Variants in DENND4A observed in about 807,000 individuals in gnomAD.
The protein encoded by DENND4A is C-myc promoter-binding protein.
In DENND4A, 70 loss-of-function variants were observed where a neutral mutation model predicts 199.3. That is an observed-to-expected ratio of 0.35 (90% CI 0.29 to 0.43). The LOEUF (loss-of-function observed/expected upper bound fraction) is 0.43. Among genes scored for constraint, DENND4A ranks in the 20% least tolerant of loss-of-function variants. DENND4A has a pLI of 1.00. For missense variants in DENND4A, 1,723 were observed against 2,255.8 expected, an observed-to-expected ratio of 0.76 and a Z score of 4.78; for synonymous variants, 686 against 766.9, an observed-to-expected ratio of 0.89 and a Z score of 1.74.
At chr15:65,769,056 A>T (rs2077058606) in intron 1 of DENND4A, among the ~76,000 whole-genome samples, 1 of 152,074 alleles carries the variant, frequency 6.6e-6, no homozygotes, top group African/African-American at 2.4e-5. Flanking sequence ...TCTATTGTTA[A>T]TTGACATTTG....
intron 32 of DENND4A, among the ~76,000 whole-genome samples, chr15:65,662,318 C>A (rs527729719): frequency 7.2e-5 from 11 of 152,158 alleles, no homozygotes; most frequent in African/African-American, 2.7e-4. Flanking sequence ...AGTTTTTTTG[C>A]CCATATTTTC....
intron 22 of DENND4A, among the ~76,000 whole-genome samples, chr15:65,691,773 G>C (rs1032848779): frequency 6.6e-6 from 1 of 151,638 alleles, no homozygotes; most frequent in Non-Finnish European, 1.5e-5. Context: ...GACAGAACTG[G>C]GATTCAAATT....
chr15:65,787,260 GTA>G (rs2077589420), intron 1 of DENND4A, among the ~76,000 whole-genome samples: 1 of 152,130 alleles, frequency 6.6e-6, no homozygotes, highest in African/African-American at 2.4e-5. Flanking sequence ...GTGAACTTAT[GTA>G]TGTATATACA....
At chr15:65,744,926 A>AT (rs1567069236) in intron 4 of DENND4A, among the ~76,000 whole-genome samples, 1 of 152,214 alleles carries the variant, frequency 6.6e-6, no homozygotes, top group Non-Finnish European at 1.5e-5. Context: ...CTTTGGAAAA[A>AT]TATCAGTATT....
intron 14 of DENND4A, among the ~76,000 whole-genome samples, chr15:65,708,794 G>A (rs1428721221): frequency 6.6e-6 from 1 of 152,150 alleles, no homozygotes; most frequent in African/African-American, 2.4e-5. Flanking sequence ...ACACAAAACT[G>A]CCTTTAGTTA....
chr15:65,752,873 A>G (rs2076605477), intron 3 of DENND4A, among the ~76,000 whole-genome samples: 1 of 152,212 alleles, frequency 6.6e-6, no homozygotes, highest in Non-Finnish European at 1.5e-5. Context: ...AGAAAGGTAC[A>G]ATTAAATGTG....
At chr15:65,676,141 A>AAAATATATAT (rs1362535499) in intron 24 of DENND4A, among the ~76,000 whole-genome samples, 2 of 110,452 alleles carry the variant, frequency 1.8e-5, no homozygotes, top group East Asian at 6.0e-4. Flanking sequence ...AATAAGGAAA[A>AAAATATATAT]ATATATATAT....
chr15:65,703,489 C>T (rs2074943161), intron 15 of DENND4A, among the ~76,000 whole-genome samples: 1 of 152,216 alleles, frequency 6.6e-6, no homozygotes, highest in African/African-American at 2.4e-5. Flanking sequence ...CATATTAGCA[C>T]ACCAGGCCTT....
Position 65,717,978 on chromosome 15 carries a change from T to A in DENND4A, c.1607A>T (p.Asp536Val). The A allele has an allele frequency of 6.2e-7, 1 of 1,601,826 alleles. No homozygotes were observed. Residue 536 changes from aspartate to valine, a missense_variant, in exon 13 of 33, where the codon GAT becomes GTT. Transcript: ENST00000443035. ...TATTGCTAAATCCATGAGTCCATCA[T>A]CTCTCGGTCTCTGCTGCACTGTGAA... ...QLAKLQQRPR[D>V]DGLMDLAIND...
chr15:65,697,435 G>T, intron 20 of DENND4A, 52 bp from the exon 21 acceptor site: 1 of 1,136,748 alleles, frequency 8.8e-7, no homozygotes. Flanking sequence ...TTTAGTGAGT[G>T]CAACTGGAAT....
chr15:65,759,689 A>G (rs2076803657), intron 2 of DENND4A, among the ~76,000 whole-genome samples: 1 of 152,206 alleles, frequency 6.6e-6, no homozygotes, highest in African/African-American at 2.4e-5. Context: ...ATGCTGACTT[A>G]TCACCCTCAG....
At chr15:65,746,875 TG>T (rs2076414352) in intron 4 of DENND4A, among the ~76,000 whole-genome samples, 1 of 150,586 alleles carries the variant, frequency 6.6e-6, no homozygotes, top group Non-Finnish European at 1.5e-5. Flanking sequence ...AAGACCAGCC[TG>T]GCCAATATGG....
At chr15:65,770,338 C>T (rs1476533578) in intron 1 of DENND4A, among the ~76,000 whole-genome samples, 1 of 152,048 alleles carries the variant, frequency 6.6e-6, no homozygotes, top group Non-Finnish European at 1.5e-5. Flanking sequence ...GGCAGCCCTT[C>T]AAGGACATAC....
At chr15:65,672,539 G>C (rs962685713) in intron 24 of DENND4A, among the ~76,000 whole-genome samples, 14 of 151,842 alleles carry the variant, frequency 9.2e-5, no homozygotes, top group Admixed American at 4.6e-4. Context: ...ACTGGGGTAG[G>C]AGTCCAAATT....
intron 3 of DENND4A, among the ~76,000 whole-genome samples, chr15:65,755,869 T>C (rs1279059986): frequency 6.6e-6 from 1 of 152,232 alleles, no homozygotes; most frequent in Non-Finnish European, 1.5e-5. Flanking sequence ...GATAACACTT[T>C]AATTTTCTAG....
In DENND4A at chr15:65,700,559, C is replaced by A; in HGVS notation, c.2818G>T (p.Asp940Tyr). The change falls in exon 20 of 33, where the codon GAT becomes TAT. Residue 940 changes from aspartate to tyrosine, a missense_variant. By Grantham distance (160) the Asp-to-Tyr change is radical. This residue lies in a region of DENND4A where 650 missense variants were observed against 738.1 expected (regional missense o/e 0.88). Coordinates refer to ENST00000443035, the MANE Select transcript of DENND4A (RefSeq NM_001320835.1). ...TGLIKVYATD[D>Y]RSSTGGQSDL... The stretch of plus-strand genomic sequence containing the variant: ...ATACACAAACCTGTACTAGATCTAT[C>A]ATCAGTAGCATATACTTTGATTAAA... The A allele has an allele frequency of 6.5e-7, 1 of 1,531,054 alleles. No homozygotes were observed. The highest frequency in any genetic ancestry group is 1.2e-5 in the South Asian group (1 of 81,072). 94.8% of individuals were successfully genotyped at this position (1,531,054 alleles called of 1,614,324 possible).
chr15:65,755,648 C>G (rs2076682418), intron 3 of DENND4A, among the ~76,000 whole-genome samples: 1 of 152,054 alleles, frequency 6.6e-6, no homozygotes, highest in East Asian at 1.9e-4. Context: ...TATCTATAGT[C>G]CCAGCTACTC....
At chr15:65,665,009 A>G in intron 30 of DENND4A, 1 of 456,540 alleles carries the variant, frequency 2.2e-6, no homozygotes. Flanking sequence ...GATGGAAACA[A>G]ATAAAAAATA....
At chr15:65,776,302 T>C (rs1210396978) in intron 1 of DENND4A, among the ~76,000 whole-genome samples, 1 of 152,212 alleles carries the variant, frequency 6.6e-6, no homozygotes, top group African/African-American at 2.4e-5. Context: ...TATATCATCA[T>C]ACACATATGC....
Sources: gnomAD v4.1 joint callset for allele counts (sites outside exome capture counted in the v4.1 genomes callset) on GRCh38, gnomAD v4.1.1 for gene constraint, gnomAD v4.1.1 regional missense constraint, MANE v1.5 for transcripts, NCBI Gene and HGNC (gene_info 2026-07-23, HGNC 2026-07-21) for gene names.